The following CYTH4 variants were observed in gnomAD, a reference collection of about 807,000 sequenced individuals.
The protein encoded by CYTH4 is cytohesin 4, also known as cytohesin-4.
A neutral mutation model predicts 57.5 loss-of-function variants in CYTH4; 22 were observed. That is an observed-to-expected ratio of 0.38 (90% CI 0.27 to 0.55). CYTH4 has a LOEUF of 0.55. Among genes scored for constraint, CYTH4 ranks in the 20% least tolerant of loss-of-function variants. The pLI is 0.74. For synonymous variants in CYTH4, 186 were observed against 206.5 expected, an observed-to-expected ratio of 0.90 and a Z score of 0.85; for missense variants, 420 against 535.6, an observed-to-expected ratio of 0.78 and a Z score of 2.13.
rs762227588 is a variant in CYTH4 at position 37,294,764 on chromosome 22, T to C, written c.167+40T>C. 1.9e-6 allele frequency: 3 copies of C among 1,609,930 alleles called. No individual in the cohort carries two copies. In the East Asian group the frequency reaches 6.7e-5, roughly 36 times the overall value. On this transcript the variant is annotated intron_variant, in intron 3 of 12. Coordinates refer to ENST00000248901, the MANE Select transcript of CYTH4 (RefSeq NM_013385.5). Reference sequence around the variant, plus strand: ...TGGGGACCCCCAGAAACTGCCATGGTTGCTTCCCAAGGATGTCATACACCT... The same window carrying C: ...TGGGGACCCCCAGAAACTGCCATGGCTGCTTCCCAAGGATGTCATACACCT...
At chr22:37,288,457 A>C (rs776744918) in intron 1 of CYTH4, among the ~76,000 whole-genome samples, 8 of 152,124 alleles carry the variant, frequency 5.3e-5, no homozygotes, top group Non-Finnish European at 8.8e-5. Context: ...ATGGTGGTGC[A>C]TGCCTGTGAT....
chr22:37,294,511 C>T (rs1928879095), intron 2 of CYTH4, 149 bp from the exon 3 acceptor site: 3 of 760,168 alleles, frequency 3.9e-6, no homozygotes, highest in African/African-American at 1.8e-5. Flanking sequence ...TGGAGGGTCC[C>T]TCAGACTGGG....
intron 4 of CYTH4, among the ~76,000 whole-genome samples, chr22:37,297,309 C>G (rs886600605): frequency 1.3e-5 from 2 of 152,068 alleles, no homozygotes; most frequent in East Asian, 1.9e-4. Context: ...TGAGGGGGAC[C>G]CTGGGGAGTA....
intron 6 of CYTH4, 38 bp from the exon 7 acceptor site, chr22:37,300,869 C>T (rs745699707): frequency 1.9e-6 from 3 of 1,578,860 alleles, no homozygotes; most frequent in South Asian, 1.1e-5. Flanking sequence ...CGCGAGGGCC[C>T]ACCCACTCCA....
intron 8 of CYTH4, among the ~76,000 whole-genome samples, chr22:37,306,823 C>T (rs1929415309): frequency 1.3e-5 from 2 of 152,252 alleles, no homozygotes; most frequent in Non-Finnish European, 1.5e-5. Flanking sequence ...CCTCACAGTC[C>T]TCCTCCTCAG....
intron 1 of CYTH4, among the ~76,000 whole-genome samples, chr22:37,287,597 C>A (rs1928602335): frequency 6.6e-6 from 1 of 152,126 alleles, no homozygotes; most frequent in Admixed American, 6.5e-5. Context: ...CAGCTTCCAG[C>A]ACTGCCTCCC....
Position 37,313,830 on chromosome 22 carries a change from C to T in CYTH4, c.*319C>T. ...CAGAATGCTGCAACTTCTCTTCTCT[C>T]TGGACTTCGGTGTCCTCGGCTCTGA... is the stretch of plus-strand genomic sequence containing the variant. On this transcript the variant is annotated 3_prime_UTR_variant, in exon 13 of 13. Coordinates refer to ENST00000248901, the MANE Select transcript of CYTH4 (RefSeq NM_013385.5). The T allele has an allele frequency of 2.7e-6, 1 of 367,418 alleles. No individual in the cohort carries two copies. The highest frequency in any genetic ancestry group is 5.0e-5 in the East Asian group (1 of 19,838). The allele number at this position is 367,418 out of a possible 1,614,324, so 22.8% of individuals were successfully genotyped here. A position where few individuals can be genotyped will look rare whatever the true frequency, so the allele number is the denominator to read the frequency against.
In CYTH4 at chr22:37,296,124, C is replaced by A. The variant is rs1928957467; in HGVS notation, c.234+59C>A. On this transcript the variant is annotated intron_variant, in intron 4 of 12. Transcript: ENST00000248901. ...GTGGGGGCTGCATGGGAGCACCTGC[C>A]TGGTGTCCTCTCGCTCCCCTCGGCT... The A allele has an allele frequency of 2.0e-6, 3 of 1,529,606 alleles. No homozygotes were observed. The East Asian group carries it at 7.0e-5, about 36-fold the overall frequency. The allele number at this position is 1,529,606 out of a possible 1,614,324, so 94.8% of individuals were successfully genotyped here. A position where few individuals can be genotyped will look rare whatever the true frequency, so the allele number is the denominator to read the frequency against.
At chr22:37,292,824 C>A in intron 2 of CYTH4, 121 bp downstream of exon 2, 2 of 921,570 alleles carry the variant, frequency 2.2e-6, no homozygotes, top group Non-Finnish European at 3.3e-6. Flanking sequence ...TGGCTCATAT[C>A]AGCCTCGGCC....
In CYTH4 at chr22:37,295,460, G is replaced by A. The variant is rs1334409163; in HGVS notation, c.168-539G>A. Among the ~76,000 whole-genome samples, 7 of 150,622 alleles carry A rather than the reference G, an allele frequency of 4.6e-5. No individual in the cohort carries two copies. Among genetic ancestry groups the A allele is most frequent in the African/African-American group, 2.5e-5 (1 of 40,532 alleles). The stretch of plus-strand genomic sequence containing the variant: ...CACACACACAAGCATGCACACACAC[G>A]AGTGGCCGTTTCTCCAGCTCCCCTG... On this transcript the variant is annotated intron_variant, in intron 3 of 12. Transcript: ENST00000248901. The surrounding 1 kb of genome is among the most constrained non-coding windows in gnomAD (Gnocchi z 4.1).
chr22:37,292,660 A>G lies in CYTH4; in HGVS notation c.59A>G (p.Gln20Arg). ...AGCAGCGGGGAGACGGAAGAGTTAC[A>G]GAGGATCAAGTGGCACCGAAAGCAG... ...ELSSGETEEL[Q>R]RIKWHRKQLL... Residue 20 changes from glutamine (Q) to arginine (R), a missense_variant, in exon 2 of 13, where the codon CAG (glutamine) becomes CGG (arginine). Physicochemically the swap from Gln to Arg is conservative, Grantham distance 43. Transcript: ENST00000248901. 1 of 1,613,920 alleles carries G rather than the reference A, an allele frequency of 6.2e-7. No individual in the cohort carries two copies.
At chr22:37,308,054 AC>A (rs1390048580) in intron 8 of CYTH4, among the ~76,000 whole-genome samples, 1 of 133,136 alleles carries the variant, frequency 7.5e-6, no homozygotes, top group Non-Finnish European at 1.7e-5. Flanking sequence ...CCCAGACCCC[AC>A]CCCGGCCCAT....
Position 37,313,826 on chromosome 22 carries a change from C to G in CYTH4, c.*315C>G. The G allele has an allele frequency of 2.7e-6, 1 of 372,492 alleles. No homozygotes were observed. The highest frequency in any genetic ancestry group is 4.1e-5 in the South Asian group (1 of 24,570). The allele number at this position is 372,492 out of a possible 1,614,324, so 23.1% of individuals were successfully genotyped here. On this transcript the variant is annotated 3_prime_UTR_variant, in exon 13 of 13. Coordinates refer to ENST00000248901, the MANE Select transcript of CYTH4 (RefSeq NM_013385.5). ...GCCCCAGAATGCTGCAACTTCTCTTCTCTCTGGACTTCGGTGTCCTCGGCT... is the reference window on the plus strand; with the variant it reads ...GCCCCAGAATGCTGCAACTTCTCTTGTCTCTGGACTTCGGTGTCCTCGGCT...
Position 37,299,994 on chromosome 22 carries a change from A to G in CYTH4, c.434+688A>G, listed in dbSNP as rs531452629. The G allele has an allele frequency of 1.4e-4, 99 of 710,226 alleles. No homozygotes were observed. In the African/African-American group the frequency reaches 1.5e-3, roughly 10 times the overall value. The allele number at this position is 710,226 out of a possible 1,614,324, so 44.0% of individuals were successfully genotyped here. ...CAACAGAGTGAGGCTCTGTCTCACA[A>G]AAAAATAAATAAACCTTCCTGTGCC... On this transcript the variant is annotated intron_variant, in intron 6 of 12. Coordinates refer to ENST00000248901, the MANE Select transcript of CYTH4 (RefSeq NM_013385.5).
At chr22:37,284,947 T>TG (rs55767088) in intron 1 of CYTH4, among the ~76,000 whole-genome samples, 121 of 133,972 alleles carry the variant, frequency 9.0e-4, no homozygotes, top group African/African-American at 2.6e-3. Context: ...GCTGGGGCGG[T>TG]GGGGGGGCGG....
At chr22:37,291,610 T>G (rs1928750220) in intron 1 of CYTH4, among the ~76,000 whole-genome samples, 1 of 152,156 alleles carries the variant, frequency 6.6e-6, no homozygotes, top group Non-Finnish European at 1.5e-5. Context: ...CAGGCTGGAC[T>G]GGCAGGCTCT....
At chr22:37,286,494 C>T (rs542474611) in intron 1 of CYTH4, among the ~76,000 whole-genome samples, 41 of 152,230 alleles carry the variant, frequency 2.7e-4, no homozygotes, top group Middle Eastern at 3.4e-3. Flanking sequence ...CCTTAACCAA[C>T]GGCGTGGCTT....
chr22:37,287,197 G>T (rs752388388), intron 1 of CYTH4, among the ~76,000 whole-genome samples: 5 of 152,178 alleles, frequency 3.3e-5, no homozygotes, highest in Non-Finnish European at 4.4e-5. Flanking sequence ...AACAGAGGAT[G>T]TGTGAATGAT....
chr22:37,304,465 T>G (rs1239781446), intron 8 of CYTH4, among the ~76,000 whole-genome samples: 1 of 152,078 alleles, frequency 6.6e-6, no homozygotes, highest in Non-Finnish European at 1.5e-5. Flanking sequence ...ACAAGTTCAC[T>G]TCAAGGACTG....
Sources: allele counts gnomAD v4.1 joint callset (sites outside exome capture counted in the v4.1 genomes callset), GRCh38; gene constraint gnomAD v4.1.1; non-coding constraint Gnocchi (gnomAD v3.1); transcripts MANE v1.5; gene names NCBI Gene and HGNC (gene_info 2026-07-23, HGNC 2026-07-21).